Variants in PTPRN2 observed in about 807,000 individuals in gnomAD.
The protein encoded by PTPRN2 is protein tyrosine phosphatase receptor type N2.
A neutral mutation model predicts 118.8 loss-of-function variants in PTPRN2; 74 were observed. The observed-to-expected ratio is 0.62, with a 90% CI of 0.52 to 0.76. The LOEUF (loss-of-function observed/expected upper bound fraction) is 0.76. Among genes scored for constraint, PTPRN2 ranks in the 30% least tolerant of loss-of-function variants. The pLI, the probability that PTPRN2 is intolerant of heterozygous loss-of-function variation, is 0.00. For synonymous variants in PTPRN2, 641 were observed against 608.0 expected, an observed-to-expected ratio of 1.05 and a Z score of -0.80; for missense variants, 1,481 against 1,394.4, an observed-to-expected ratio of 1.06 and a Z score of -0.99.
rs1458432537 is a variant in PTPRN2 at position 157,845,180 on chromosome 7, T to C, written c.1788+53493A>G. ...CCTTTGTTGTTTTTCAAATGGACTA[T>C]TTTATTCCTAGAAAAAGATACACAG... On this transcript the variant is annotated intron_variant, in intron 12 of 22. Coordinates refer to ENST00000389418, the MANE Select transcript of PTPRN2 (RefSeq NM_002847.5). The surrounding 1 kb of genome is among the most constrained non-coding windows in gnomAD (Gnocchi z 4.5). Among the ~76,000 whole-genome samples the C allele has an allele frequency of 2.0e-5, 3 of 152,206 alleles. No individual in the cohort carries two copies. Among genetic ancestry groups the C allele is most frequent in the African/African-American group, 7.2e-5 (3 of 41,454 alleles).
At chr7:158,137,616 G>C (rs1818946412) in intron 7 of PTPRN2, among the ~76,000 whole-genome samples, 1 of 152,038 alleles carries the variant, frequency 6.6e-6, no homozygotes, top group Non-Finnish European at 1.5e-5. Context: ...CCGGGGTGCA[G>C]TTCCACTACT....
chr7:158,341,535 AGAG>A, intron 2 of PTPRN2, among the ~76,000 whole-genome samples: 1 of 66,572 alleles, frequency 1.5e-5, no homozygotes, highest in African/African-American at 6.9e-5. Flanking sequence ...TCTCACCATA[AGAG>A]GTGACATCTG....
At chr7:158,182,936 C>T (rs1358551452) in intron 5 of PTPRN2, among the ~76,000 whole-genome samples, 1 of 152,204 alleles carries the variant, frequency 6.6e-6, no homozygotes, top group Non-Finnish European at 1.5e-5. Flanking sequence ...TCACTTCTCA[C>T]ATCTAGCAGT....
intron 12 of PTPRN2, among the ~76,000 whole-genome samples, chr7:157,727,525 T>TG (rs112741759): frequency 4.7e-5 from 7 of 150,206 alleles, no homozygotes; most frequent in Non-Finnish European, 1.0e-4. Context: ...GCTGCCGGGG[T>TG]GGGGGGAGGA....
chr7:157,940,701 C>T (rs185560606), intron 11 of PTPRN2, among the ~76,000 whole-genome samples: 16 of 130,452 alleles, frequency 1.2e-4, no homozygotes, highest in African/African-American at 3.9e-4. Context: ...GCAAATCTAA[C>T]GCCCCCCCGT....
At chr7:157,832,623 C>T (rs189892438) in intron 12 of PTPRN2, among the ~76,000 whole-genome samples, 62 of 152,210 alleles carry the variant, frequency 4.1e-4, no homozygotes, top group Non-Finnish European at 5.6e-4. Flanking sequence ...AATGGAAACA[C>T]GAAGGAGCTG....
At chr7:158,130,433 C>T (rs4909266) in intron 9 of PTPRN2, among the ~76,000 whole-genome samples, 95,143 of 148,188 alleles carry the variant, frequency 0.64, 30,805 homozygotes, top group African/African-American at 0.74. Flanking sequence ...CACACACACA[C>T]GTACATACAG....
intron 22 of PTPRN2, 55 bp downstream of exon 22, chr7:157,548,891 G>A: frequency 6.5e-7 from 1 of 1,539,812 alleles, no homozygotes; most frequent in Non-Finnish European, 9.0e-7. Flanking sequence ...CAGGAACACG[G>A]CCGCAGAGAG....
At chr7:158,042,087 G>A (rs761273005) in intron 11 of PTPRN2, among the ~76,000 whole-genome samples, 1 of 152,152 alleles carries the variant, frequency 6.6e-6, no homozygotes, top group Admixed American at 6.5e-5. Flanking sequence ...GGCTGGACAC[G>A]CACTTTCTGC....
At chr7:158,161,053 G>A (rs1822312120) in intron 6 of PTPRN2, among the ~76,000 whole-genome samples, 2 of 152,074 alleles carry the variant, frequency 1.3e-5, no homozygotes, top group South Asian at 4.1e-4. Context: ...GATATTTCAG[G>A]ATCTTAACAT....
chr7:157,609,104 C>T lies in PTPRN2; in HGVS notation c.2345-5029G>A, dbSNP rs754702380. Among the ~76,000 whole-genome samples the T allele has an allele frequency of 1.1e-4, 17 of 152,120 alleles. No homozygotes were observed. Among genetic ancestry groups the T allele is most frequent in the Non-Finnish European group, 2.2e-4 (15 of 68,036 alleles). On this transcript the variant is annotated intron_variant, in intron 15 of 22. Coordinates refer to ENST00000389418, the MANE Select transcript of PTPRN2 (RefSeq NM_002847.5). The surrounding 1 kb of genome is among the most constrained non-coding windows in gnomAD (Gnocchi z 4.9). ...TGCCTTGTTCAACAATATTTCAGGC[C>T]GGCCGCGGTGGCTCACACCTATAAT... is the stretch of plus-strand genomic sequence containing the variant.
intron 12 of PTPRN2, among the ~76,000 whole-genome samples, chr7:157,715,322 C>A (rs1448171106): frequency 2.0e-5 from 3 of 152,130 alleles, no homozygotes. Flanking sequence ...CCCTCAGCAA[C>A]CTACCAGCAC....
chr7:157,964,729 T>C lies in PTPRN2; in HGVS notation c.1724-65992A>G, dbSNP rs993986786. On this transcript the variant is annotated intron_variant, in intron 11 of 22. Transcript: ENST00000389418. This position sits in a 1 kb window ranked among gnomAD's most constrained non-coding sequence, Gnocchi z 9.0. ...ACCGACTCACCTCAGAGCTTGGCAC[T>C]GGGTGCTCTGATTCCCTTCCTCAAG... Among the ~76,000 whole-genome samples, 2 of 152,166 alleles carry C rather than the reference T, an allele frequency of 1.3e-5. No homozygotes were observed. Among genetic ancestry groups the C allele is most frequent in the Non-Finnish European group, 2.9e-5 (2 of 68,030 alleles).
chr7:157,591,336 A>C lies in PTPRN2; in HGVS notation c.2496+3902T>G, dbSNP rs1563240679. ...CCCCAAGGAGGAGCTTCAGATCAGC[A>C]TCAACAGCCGGAGATAAAAGGAAGG... On this transcript the variant is annotated intron_variant, in intron 17 of 22. Transcript: ENST00000389418. The surrounding 1 kb of genome is among the most constrained non-coding windows in gnomAD (Gnocchi z 4.4). Among the ~76,000 whole-genome samples, 3 of 152,232 alleles carry C rather than the reference A, an allele frequency of 2.0e-5. No homozygotes were observed.
rs1273697599 is a variant in PTPRN2 at position 157,539,733 on chromosome 7, C to T, written c.*981G>A. The T allele has an allele frequency of 6.6e-6, 1 of 151,916 alleles. No individual in the cohort carries two copies. Among genetic ancestry groups the T allele is most frequent in the Non-Finnish European group, 1.5e-5 (1 of 68,076 alleles). 9.4% of individuals were successfully genotyped at this position (151,916 alleles called of 1,614,324 possible). On this transcript the variant is annotated 3_prime_UTR_variant, in exon 23 of 23. Coordinates refer to ENST00000389418, the MANE Select transcript of PTPRN2 (RefSeq NM_002847.5). ...CCGGGAGGGAAATGCTCGCAGCCCT[C>T]TCCGAGTTGCCCTGATCTCCTTCTC...
intron 11 of PTPRN2, among the ~76,000 whole-genome samples, chr7:158,020,377 G>T (rs1384046449): frequency 6.6e-6 from 1 of 152,220 alleles, no homozygotes; most frequent in African/African-American, 2.4e-5. Context: ...AGATGAGGGG[G>T]TGAGGGGGTG....
intron 2 of PTPRN2, among the ~76,000 whole-genome samples, chr7:158,420,841 G>A (rs1038298359): frequency 5.3e-5 from 8 of 152,192 alleles, no homozygotes; most frequent in South Asian, 2.1e-4. Context: ...GTGACGGCTC[G>A]GAGTCAGTTT....
intron 5 of PTPRN2, among the ~76,000 whole-genome samples, chr7:158,191,196 C>T (rs1042505697): frequency 1.3e-5 from 2 of 152,160 alleles, no homozygotes; most frequent in African/African-American, 2.4e-5. Context: ...TTCAATGGCT[C>T]GATGGCAGGA....
chr7:158,478,215 C>T (rs949938781), intron 2 of PTPRN2, among the ~76,000 whole-genome samples: 9 of 152,226 alleles, frequency 5.9e-5, no homozygotes, highest in African/African-American at 1.4e-4. Flanking sequence ...ATGACTGCTA[C>T]GTCTGGTCCC....
Sources: gnomAD v4.1 joint callset for allele counts (sites outside exome capture counted in the v4.1 genomes callset) on GRCh38, gnomAD v4.1.1 for gene constraint, Gnocchi (gnomAD v3.1) non-coding constraint, MANE v1.5 for transcripts, NCBI Gene and HGNC (gene_info 2026-07-23, HGNC 2026-07-21) for gene names.